Variants in RAB2A observed in about 807,000 individuals in gnomAD.
RAB2A encodes RAB2A, member RAS oncogene family.
Under a neutral mutation model 32.5 loss-of-function variants are expected in RAB2A, and 7 were observed. The observed-to-expected ratio is 0.22, with a 90% confidence interval of 0.12 to 0.40. The LOEUF (loss-of-function observed/expected upper bound fraction) is 0.40. Among genes scored for constraint, RAB2A ranks in the 10% least tolerant of loss-of-function variants. The pLI, the probability that RAB2A is intolerant of heterozygous loss-of-function variation, is 1.00. For missense variants in RAB2A, 108 were observed against 260.7 expected, an observed-to-expected ratio of 0.41 and a Z score of 4.03; for synonymous variants, 79 against 85.2, an observed-to-expected ratio of 0.93 and a Z score of 0.40.
chr8:60,610,122 C>T (rs1804313140), intron 6 of RAB2A, among the ~76,000 whole-genome samples: 1 of 151,888 alleles, frequency 6.6e-6, no homozygotes, highest in Admixed American at 6.6e-5. Context: ...CCCACCCTTC[C>T]CAGAAGCCTT....
At chr8:60,539,647 T>C (rs942371955) in intron 1 of RAB2A, among the ~76,000 whole-genome samples, 9 of 152,202 alleles carry the variant, frequency 5.9e-5, no homozygotes, top group African/African-American at 1.7e-4. Context: ...TCCTTGCCCT[T>C]ATGAGGTTTA....
intron 2 of RAB2A, among the ~76,000 whole-genome samples, chr8:60,567,325 A>G (rs532652594): frequency 6.6e-6 from 1 of 152,188 alleles, no homozygotes; most frequent in South Asian, 2.1e-4. Context: ...CATGTTGACC[A>G]GGATGGTCTC....
At chr8:60,537,031 C>G (rs1011107371) in intron 1 of RAB2A, among the ~76,000 whole-genome samples, 2 of 152,040 alleles carry the variant, frequency 1.3e-5, no homozygotes, top group African/African-American at 4.8e-5. Context: ...TCATTACTAG[C>G]AAAAATGTAG....
chr8:60,525,996 T>C (rs1163219298), intron 1 of RAB2A, among the ~76,000 whole-genome samples: 1 of 140,088 alleles, frequency 7.1e-6, no homozygotes, highest in East Asian at 2.0e-4. Flanking sequence ...TATATATGTC[T>C]ATATGTATAT....
chr8:60,520,511 A>G (rs953778130), intron 1 of RAB2A, among the ~76,000 whole-genome samples: 1 of 152,254 alleles, frequency 6.6e-6, no homozygotes, highest in African/African-American at 2.4e-5. Context: ...ACGCTCAGCA[A>G]GGTAAACAAA....
intron 3 of RAB2A, among the ~76,000 whole-genome samples, chr8:60,581,178 T>C (rs765463716): frequency 1.8e-4 from 28 of 152,210 alleles, no homozygotes; most frequent in Non-Finnish European, 3.5e-4. Flanking sequence ...CCCAAACTTT[T>C]TGAGCTTTCA....
chr8:60,546,965 A>G (rs1018737759), intron 1 of RAB2A, among the ~76,000 whole-genome samples: 2 of 142,576 alleles, frequency 1.4e-5, no homozygotes, highest in African/African-American at 5.4e-5. Context: ...GCAGGGTCAC[A>G]GGACAATAGT....
At chr8:60,603,774 A>AT (rs1204656534) in intron 6 of RAB2A, among the ~76,000 whole-genome samples, 1 of 152,164 alleles carries the variant, frequency 6.6e-6, no homozygotes, top group African/African-American at 2.4e-5. Flanking sequence ...TAATCCTGGT[A>AT]TTTTGGGAGG....
At chr8:60,528,129 T>C (rs1807420501) in intron 1 of RAB2A, among the ~76,000 whole-genome samples, 1 of 152,206 alleles carries the variant, frequency 6.6e-6, no homozygotes, top group Non-Finnish European at 1.5e-5. Context: ...TGAGAGTACA[T>C]AGCCTTCAAT....
intron 2 of RAB2A, among the ~76,000 whole-genome samples, chr8:60,560,504 A>G (rs775393500): frequency 3.3e-5 from 5 of 152,218 alleles, no homozygotes; most frequent in Admixed American, 3.3e-4. Flanking sequence ...AAACAGTTGT[A>G]TTTAGTATAG....
intron 6 of RAB2A, 105 bp from the exon 7 acceptor site, chr8:60,618,475 G>A (rs79806836): frequency 0.034 from 15,980 of 472,632 alleles, 1,862 homozygotes; most frequent in African/African-American, 0.27. Context: ...GTATTACGTC[G>A]ATTGACTTTC....
rs201811996 is a variant in RAB2A at position 60,580,415 on chromosome 8, TA to T, written c.187-3782del. On this transcript the variant is annotated intron_variant, in intron 3 of 7. Transcript: ENST00000262646. ...TTATTTATAGTTAGAGAAGCCATAATAAAAAAAAAAACTTCACTGGGCAAGA... is the reference window on the plus strand; with the variant it reads ...TTATTTATAGTTAGAGAAGCCATAATAAAAAAAAAACTTCACTGGGCAAGA... Among the ~76,000 whole-genome samples the T allele has an allele frequency of 1.8e-3, 264 of 146,522 alleles. 4 individuals are homozygous for T. In the South Asian group the frequency reaches 0.022, roughly 12 times the overall value.
At chr8:60,598,537 G>C (rs1021445600) in intron 6 of RAB2A, among the ~76,000 whole-genome samples, 5 of 127,280 alleles carry the variant, frequency 3.9e-5, no homozygotes, top group South Asian at 5.5e-4. Context: ...ACGAAATTGT[G>C]TATGTGTACG....
At chr8:60,615,702 T>C (rs989208194) in intron 6 of RAB2A, among the ~76,000 whole-genome samples, 14 of 152,210 alleles carry the variant, frequency 9.2e-5, no homozygotes, top group Non-Finnish European at 1.6e-4. Context: ...ATTTGGTTAA[T>C]GTTCATTATA....
chr8:60,546,516 C>A (rs532649229), intron 1 of RAB2A, among the ~76,000 whole-genome samples: 1 of 152,224 alleles, frequency 6.6e-6, no homozygotes, highest in South Asian at 2.1e-4. Flanking sequence ...TATAGTACTT[C>A]TCTAGCATTA....
intron 3 of RAB2A, among the ~76,000 whole-genome samples, chr8:60,580,607 C>G (rs745493261): frequency 6.6e-6 from 1 of 152,172 alleles, no homozygotes; most frequent in African/African-American, 2.4e-5. Context: ...TCATAGTCTT[C>G]AGTGGGAATT....
chr8:60,552,001 G>GTTTGTTTTTTTTTTT (rs1807857002), intron 1 of RAB2A: 1 of 109,752 alleles, frequency 9.1e-6, no homozygotes, highest in African/African-American at 3.6e-5. Flanking sequence ...GTAGCTGGGA[G>GTTTGTTTTTTTTTTT]TTTTTTTTTT....
At chr8:60,618,255 G>C (rs1212559882) in intron 6 of RAB2A, among the ~76,000 whole-genome samples, 4 of 152,228 alleles carry the variant, frequency 2.6e-5, no homozygotes, top group Non-Finnish European at 5.9e-5. Flanking sequence ...TATGATGTTA[G>C]ATGTAGTTTT....
intron 1 of RAB2A, among the ~76,000 whole-genome samples, chr8:60,556,624 A>T (rs934404526): frequency 1.4e-5 from 2 of 143,164 alleles, no homozygotes; most frequent in Admixed American, 7.2e-5. Context: ...ACATAGTGAG[A>T]CCCTACCTCT....
Sources: allele counts gnomAD v4.1 joint callset (sites outside exome capture counted in the v4.1 genomes callset), GRCh38; gene constraint gnomAD v4.1.1; transcripts MANE v1.5; gene names NCBI Gene and HGNC (gene_info 2026-07-23, HGNC 2026-07-21).